The following SOX6 variants were observed in gnomAD, a reference collection of about 807,000 sequenced individuals.
SOX6 encodes the protein transcription factor SOX-6.
A neutral mutation model predicts 97.8 loss-of-function variants in SOX6; 11 were observed. That is an observed-to-expected ratio of 0.11 (90% CI 0.07 to 0.19). The LOEUF is 0.19. Among genes scored for constraint, SOX6 ranks in the 10% least tolerant of loss-of-function variants. SOX6 has a pLI of 1.00. For synonymous variants in SOX6, 360 were observed against 371.4 expected (o/e 0.97, Z 0.35); for missense variants, 810 against 1,039.5 (o/e 0.78, Z 3.04).
At chr11:15,998,058 C>A (rs1165349339) in intron 13 of SOX6, among the ~76,000 whole-genome samples, 2 of 149,840 alleles carry the variant, frequency 1.3e-5, no homozygotes, top group Non-Finnish European at 1.5e-5. Context: ...CCAGCCTGGG[C>A]AATAGAGCAA....
At chr11:16,547,130 G>A (rs896300870) in intron 4 of SOX6, among the ~76,000 whole-genome samples, 22 of 152,072 alleles carry the variant, frequency 1.4e-4, no homozygotes, top group African/African-American at 2.4e-5. Flanking sequence ...TGGTGAGGAT[G>A]GAAAGAAAAG....
chr11:16,142,378 T>C (rs567605967), intron 6 of SOX6, among the ~76,000 whole-genome samples: 1 of 151,904 alleles, frequency 6.6e-6, no homozygotes, highest in Admixed American at 6.6e-5. Context: ...AGACCAAAGG[T>C]AGATAAAACC....
intron 7 of SOX6, among the ~76,000 whole-genome samples, chr11:16,102,440 A>G (rs1848972035): frequency 6.6e-6 from 1 of 152,008 alleles, no homozygotes; most frequent in African/African-American, 2.4e-5. Flanking sequence ...TATTTTAAAA[A>G]TGACTATACT....
chr11:16,294,334 A>T (rs191097354), intron 3 of SOX6, among the ~76,000 whole-genome samples: 1 of 152,282 alleles, frequency 6.6e-6, no homozygotes, highest in African/African-American at 2.4e-5. Context: ...CACTTTGTGT[A>T]CATGCCAGCT....
At chr11:16,461,526 G>T (rs191763214) in intron 1 of SOX6, among the ~76,000 whole-genome samples, 24 of 152,090 alleles carry the variant, frequency 1.6e-4, no homozygotes, top group African/African-American at 5.8e-4. Context: ...TGAACTTATT[G>T]TTTCCTATCC....
intron 6 of SOX6, among the ~76,000 whole-genome samples, chr11:16,136,398 T>C (rs1849965715): frequency 6.8e-6 from 1 of 147,960 alleles, no homozygotes; most frequent in Non-Finnish European, 1.5e-5. Flanking sequence ...TAGACCACAG[T>C]ATAGTGTAAC....
chr11:15,997,799 A>T (rs10832545), intron 13 of SOX6, among the ~76,000 whole-genome samples: 46,981 of 152,126 alleles, frequency 0.31, 8,641 homozygotes, highest in Non-Finnish European at 0.41. Flanking sequence ...CACCATTGTT[A>T]ATCAACAATT....
At chr11:16,484,348 G>T (rs1860395358) in intron 4 of SOX6, 1 of 835,662 alleles carries the variant, frequency 1.2e-6, no homozygotes. Flanking sequence ...AGTGAATAAG[G>T]TAAGGATCCA....
At chr11:16,584,562 GA>G (rs1848071600) in intron 4 of SOX6, among the ~76,000 whole-genome samples, 1 of 152,108 alleles carries the variant, frequency 6.6e-6, no homozygotes, top group Non-Finnish European at 1.5e-5. Context: ...CCCTCACTAG[GA>G]AAACAGTATG....
chr11:16,171,256 C>T (rs777845221), intron 6 of SOX6, among the ~76,000 whole-genome samples: 6 of 151,266 alleles, frequency 4.0e-5, no homozygotes, highest in South Asian at 2.1e-4. Flanking sequence ...AAAAGCAGAT[C>T]TGGATTTGAT....
chr11:16,531,504 A>G (rs943219617), intron 4 of SOX6, among the ~76,000 whole-genome samples: 10 of 151,904 alleles, frequency 6.6e-5, no homozygotes, highest in African/African-American at 2.4e-4. Flanking sequence ...CTTGCTTAAT[A>G]TATATATCAA....
At chr11:16,135,994 T>C (rs1849950654) in intron 6 of SOX6, among the ~76,000 whole-genome samples, 1 of 152,136 alleles carries the variant, frequency 6.6e-6, no homozygotes, top group African/African-American at 2.4e-5. Context: ...GTAAAAAAGA[T>C]TATGACTTGC....
intron 4 of SOX6, among the ~76,000 whole-genome samples, chr11:16,209,852 A>G (rs1479894251): frequency 6.6e-6 from 1 of 152,216 alleles, no homozygotes. Context: ...TGAGGTGGAA[A>G]ACTAGCTCCA....
At chr11:15,973,229 T>A in intron 15 of SOX6, 117 bp from the exon 16 acceptor site, 1 of 988,922 alleles carries the variant, frequency 1.0e-6, no homozygotes, top group Non-Finnish European at 1.5e-6. Context: ...AAATGTTAAA[T>A]AACATTCTAA....
chr11:16,378,550 T>A (rs1349680021), intron 1 of SOX6, among the ~76,000 whole-genome samples: 8 of 152,114 alleles, frequency 5.3e-5, no homozygotes, highest in Admixed American at 5.2e-4. Flanking sequence ...AAAAGATGAA[T>A]GATATGACTA....
intron 4 of SOX6, among the ~76,000 whole-genome samples, chr11:16,507,301 G>A (rs1217538356): frequency 6.6e-6 from 1 of 151,968 alleles, no homozygotes; most frequent in Non-Finnish European, 1.5e-5. Context: ...TTTCTTTACA[G>A]CTGTATAAGA....
intron 4 of SOX6, among the ~76,000 whole-genome samples, chr11:16,552,660 G>A (rs1847701757): frequency 6.6e-6 from 1 of 152,098 alleles, no homozygotes. Flanking sequence ...CCTAATCCTG[G>A]GAGTTACAGA....
chr11:16,496,607 G>A (rs149784586), intron 4 of SOX6, among the ~76,000 whole-genome samples: 1 of 152,296 alleles, frequency 6.6e-6, no homozygotes, highest in East Asian at 1.9e-4. Flanking sequence ...GGAAAATTGG[G>A]TCACTCCCAC....
intron 4 of SOX6, among the ~76,000 whole-genome samples, chr11:16,549,987 GA>G (rs758434002): frequency 2.0e-5 from 3 of 152,118 alleles, no homozygotes; most frequent in Non-Finnish European, 1.5e-5. Flanking sequence ...TGGAGATGAT[GA>G]AAATAATCTA....
Sources: allele counts gnomAD v4.1 joint callset (sites outside exome capture counted in the v4.1 genomes callset), GRCh38; gene constraint gnomAD v4.1.1; transcripts MANE v1.5; gene names NCBI Gene and HGNC (gene_info 2026-07-23, HGNC 2026-07-21).